Variants in NIBAN1 observed in about 807,000 individuals in gnomAD.
NIBAN1 encodes protein Niban 1.
In NIBAN1, 81 loss-of-function variants were observed where a neutral mutation model predicts 75.1. The ratio of observed to expected loss-of-function variants is 1.08; its 90% CI spans 0.90 to 1.30. The LOEUF (loss-of-function observed/expected upper bound fraction) is 1.30. NIBAN1 is among the 50% of genes most tolerant of loss of function. The pLI, the probability that NIBAN1 is intolerant of heterozygous loss-of-function variation, is 0.00. For synonymous variants in NIBAN1, 436 were observed against 424.8 expected (o/e 1.03, Z -0.32); for missense variants, 1,133 against 1,128.1 (o/e 1.00, Z -0.06).
intron 1 of NIBAN1, among the ~76,000 whole-genome samples, chr1:184,916,288 G>A (rs541303076): frequency 3.3e-5 from 5 of 152,296 alleles, no homozygotes; most frequent in South Asian, 2.1e-4. Context: ...AAATGGTAAT[G>A]AGGGGAAAAA....
At chr1:184,827,654 C>G (rs1654879583) in intron 6 of NIBAN1, among the ~76,000 whole-genome samples, 1 of 145,678 alleles carries the variant, frequency 6.9e-6, no homozygotes, top group Non-Finnish European at 1.5e-5. Flanking sequence ...ATCACTCCTA[C>G]AAGAAACTAA....
chr1:184,821,649 G>A (rs558307958), intron 8 of NIBAN1, among the ~76,000 whole-genome samples: 13 of 152,178 alleles, frequency 8.5e-5, no homozygotes, highest in African/African-American at 1.7e-4. Flanking sequence ...CCATGAGAAC[G>A]GCTACAGTTA....
intron 1 of NIBAN1, among the ~76,000 whole-genome samples, chr1:184,925,702 A>C (rs914412308): frequency 3.3e-5 from 5 of 151,964 alleles, no homozygotes; most frequent in Non-Finnish European, 7.4e-5. Context: ...ACAAAAAAAA[A>C]CTCTATACAT....
chr1:184,843,887 G>A (rs1655364396), intron 5 of NIBAN1, among the ~76,000 whole-genome samples: 1 of 152,172 alleles, frequency 6.6e-6, no homozygotes, highest in South Asian at 2.1e-4. Flanking sequence ...ACACACCCGG[G>A]TTATCTTTCA....
At chr1:184,839,550 TGTGTGTGTGTGTGTGCACGCGCGC>T (rs1655225764) in intron 5 of NIBAN1, among the ~76,000 whole-genome samples, 1 of 150,688 alleles carries the variant, frequency 6.6e-6, no homozygotes, top group Non-Finnish European at 1.5e-5. Context: ...CATTCCTGTG[TGTGTGTGTGTGTGTGCACGCGCGC>T]GTGTGTGTGT....
At chr1:184,829,364 TTC>T (rs1654932429) in intron 6 of NIBAN1, among the ~76,000 whole-genome samples, 1 of 152,066 alleles carries the variant, frequency 6.6e-6, no homozygotes, top group African/African-American at 2.4e-5. Flanking sequence ...GACGAGTCAT[TTC>T]TCTCTCTTCC....
chr1:184,964,133 A>G (rs1205849079), intron 1 of NIBAN1, among the ~76,000 whole-genome samples: 1 of 151,764 alleles, frequency 6.6e-6, no homozygotes, highest in African/African-American at 2.4e-5. Flanking sequence ...TCTACCATTG[A>G]TGGTAATAGT....
At chr1:184,932,219 A>G (rs1244840909) in intron 1 of NIBAN1, among the ~76,000 whole-genome samples, 1 of 152,162 alleles carries the variant, frequency 6.6e-6, no homozygotes, top group African/African-American at 2.4e-5. Context: ...ATTCAAGTGT[A>G]TTACACTTAT....
chr1:184,956,713 T>C (rs1658499942), intron 1 of NIBAN1, among the ~76,000 whole-genome samples: 1 of 152,222 alleles, frequency 6.6e-6, no homozygotes, highest in African/African-American at 2.4e-5. Flanking sequence ...TCATCCTCTC[T>C]ATATTTTTTT....
intron 5 of NIBAN1, among the ~76,000 whole-genome samples, chr1:184,865,580 C>T (rs569770742): frequency 5.9e-5 from 9 of 152,120 alleles, no homozygotes; most frequent in African/African-American, 2.2e-4. Context: ...AATCTGCACA[C>T]GTACCCCCAA....
chr1:184,809,138 A>G (rs1654294136), intron 9 of NIBAN1, among the ~76,000 whole-genome samples: 1 of 152,202 alleles, frequency 6.6e-6, no homozygotes, highest in Admixed American at 6.5e-5. Context: ...CAGCTCACGC[A>G]GAAGAGATAA....
intron 1 of NIBAN1, among the ~76,000 whole-genome samples, chr1:184,961,013 A>G (rs982280618): frequency 7.3e-6 from 1 of 137,760 alleles, no homozygotes; most frequent in Non-Finnish European, 1.5e-5. Context: ...CCTTTCTTCA[A>G]TTCCTTCAAG....
Position 184,869,691 on chromosome 1 carries a change from G to A in NIBAN1, c.601+14942C>T, listed in dbSNP as rs190126416. Among the ~76,000 whole-genome samples the A allele has an allele frequency of 4.9e-3, 741 of 151,996 alleles. 11 individuals are homozygous for A. The highest frequency in any genetic ancestry group is 0.017 in the African/African-American group (712 of 41,474). On this transcript the variant is annotated intron_variant, in intron 5 of 13. Transcript: ENST00000367511. ...TGAGTAGCTGGGATTACAGTTGTGC[G>A]CCACCATGCCCGGCTAATTTTTGTA...
At chr1:184,860,609 T>C (rs2102275121) in intron 5 of NIBAN1, among the ~76,000 whole-genome samples, 1 of 152,326 alleles carries the variant, frequency 6.6e-6, no homozygotes, top group South Asian at 2.1e-4. Context: ...CTAAGTACTG[T>C]CTTTTCATTA....
Position 184,808,282 on chromosome 1 carries a change from C to T in NIBAN1, c.1174-47G>A, listed in dbSNP as rs760331355. On this transcript the variant is annotated intron_variant, in intron 9 of 13. Coordinates refer to ENST00000367511, the MANE Select transcript of NIBAN1 (RefSeq NM_052966.4). ...CATTAAACACCCTCAGAATGAGGAG[C>T]GGTATTGCATATATATTGCATATTA... is the stretch of plus-strand genomic sequence containing the variant. 42 of 1,575,076 alleles carry T rather than the reference C, an allele frequency of 2.7e-5. 1 individual carries two copies. The highest frequency in any genetic ancestry group is 1.6e-4 in the South Asian group (14 of 88,416).
chr1:184,930,069 T>G (rs1657781453), intron 1 of NIBAN1, among the ~76,000 whole-genome samples: 1 of 152,232 alleles, frequency 6.6e-6, no homozygotes, highest in Non-Finnish European at 1.5e-5. Flanking sequence ...TGACCTCAGC[T>G]GGCAGAACAA....
intron 1 of NIBAN1, among the ~76,000 whole-genome samples, chr1:184,921,001 C>A (rs1009902304): frequency 6.6e-6 from 1 of 151,604 alleles, no homozygotes; most frequent in African/African-American, 2.4e-5. Context: ...TGGTGGCAGG[C>A]GCCTGTAGTC....
chr1:184,831,945 T>C lies in NIBAN1; in HGVS notation c.619A>G (p.Thr207Ala), dbSNP rs1336323485. Reference protein sequence around the residue: ...HLNHDYMKQMTFEAQAFLEAV... With the variant: ...HLNHDYMKQMAFEAQAFLEAV... ...TCTAAAAAGGCTTGGGCTTCAAATG[T>C]CATCTGCTTCATGTAATCTAAAGAA... is the stretch of plus-strand genomic sequence containing the variant. Residue 207 changes from threonine to alanine, a missense_variant, in exon 6 of 14, where the codon ACA becomes GCA. By Grantham distance (58) the Thr-to-Ala change is moderately conservative. Transcript: ENST00000367511. 6.2e-7 allele frequency: 1 copy of C among 1,613,382 alleles called. No homozygotes were observed. Among genetic ancestry groups the C allele is most frequent in the African/African-American group, 1.3e-5 (1 of 74,914 alleles).
chr1:184,803,531 T>G, intron 12 of NIBAN1, 54 bp downstream of exon 12: 7 of 1,425,492 alleles, frequency 4.9e-6, no homozygotes, highest in Non-Finnish European at 6.9e-6. Context: ...AAAGAACTTG[T>G]TTGAACTTCA....
Sources: allele counts gnomAD v4.1 joint callset (sites outside exome capture counted in the v4.1 genomes callset), GRCh38; gene constraint gnomAD v4.1.1; transcripts MANE v1.5; gene names NCBI Gene and HGNC (gene_info 2026-07-23, HGNC 2026-07-21).